Variants in LAPTM5 observed in about 807,000 individuals in gnomAD.
LAPTM5 encodes lysosomal-associated transmembrane protein 5.
In LAPTM5, 11 loss-of-function variants were observed where a neutral mutation model predicts 30.1. The observed-to-expected ratio is 0.37, with a 90% CI of 0.23 to 0.60. The LOEUF is 0.60. Ranked by LOEUF, LAPTM5 falls within the 20% of genes least tolerant of loss-of-function variation. LAPTM5 has a pLI of 0.71. For missense variants in LAPTM5, 324 were observed against 332.5 expected, an observed-to-expected ratio of 0.97 and a Z score of 0.20; for synonymous variants, 151 against 137.9, an observed-to-expected ratio of 1.10 and a Z score of -0.67.
chr1:30,737,626 A>G lies in LAPTM5; in HGVS notation c.584T>C (p.Phe195Ser), dbSNP rs1323432579. ...CACCTTGAAGATAAGGACAGTGATG[A>G]AGGCGATGGAAAAGATGATCATCAT... is the stretch of plus-strand genomic sequence containing the variant. ...IKMMIIFSIAFITVLIFKVYM... is the reference protein window; with the variant it reads ...IKMMIIFSIASITVLIFKVYM... The change falls in exon 6 of 8, where the codon TTC becomes TCC. Residue 195 changes from phenylalanine (F) to serine (S), a missense_variant. Coordinates refer to ENST00000294507, the MANE Select transcript of LAPTM5 (RefSeq NM_006762.3). 7.4e-6 allele frequency: 12 copies of G among 1,613,442 alleles called. No homozygotes were observed. Among genetic ancestry groups the G allele is most frequent in the Non-Finnish European group, 1.0e-5 (12 of 1,179,474 alleles).
chr1:30,737,595 T>C lies in LAPTM5; in HGVS notation c.606+9A>G, dbSNP rs140232148. The C allele has an allele frequency of 3.1e-6, 5 of 1,601,566 alleles. No homozygotes were observed. The highest frequency in any genetic ancestry group is 3.4e-6 in the Non-Finnish European group (4 of 1,169,516). ...CCCTCCCAGAGCCGCAGGGCAGGGA[T>C]CCACTCACCTTGAAGATAAGGACAG... On this transcript the variant is annotated intron_variant, in intron 6 of 7. Coordinates refer to ENST00000294507, the MANE Select transcript of LAPTM5 (RefSeq NM_006762.3).
chr1:30,748,188 G>A (rs952077047), intron 1 of LAPTM5, among the ~76,000 whole-genome samples: 21 of 152,080 alleles, frequency 1.4e-4, no homozygotes, highest in African/African-American at 4.8e-5. Context: ...GCACACACCC[G>A]TGCCAGCCAG....
chr1:30,757,628 ACGCACACACACCCGGGGCC>A lies in LAPTM5; in HGVS notation c.87+12_87+30del. The A allele has an allele frequency of 6.2e-7, 1 of 1,605,964 alleles. No homozygotes were observed. Among genetic ancestry groups the A allele is most frequent in the Non-Finnish European group, 8.5e-7 (1 of 1,176,032 alleles). On this transcript the variant is annotated intron_variant, in intron 1 of 7. Transcript: ENST00000294507. The stretch of plus-strand genomic sequence containing the variant: ...GACATTCACACTCACACAAGCACGC[ACGCACACACACCCGGGGCC>A]CGCACACTCACCACATGGTAGATGG...
At chr1:30,736,258 A>G (rs903346776) in intron 6 of LAPTM5, among the ~76,000 whole-genome samples, 9 of 152,106 alleles carry the variant, frequency 5.9e-5, no homozygotes, top group African/African-American at 1.9e-4. Context: ...GCATTAGGTG[A>G]CAGCAGAGAC....
Position 30,739,911 on chromosome 1 carries a change from G to A in LAPTM5, c.285C>T (p.Phe95=), listed in dbSNP as rs747515424. The A allele has an allele frequency of 3.3e-5, 53 of 1,604,712 alleles. No individual in the cohort carries two copies. The highest frequency in any genetic ancestry group is 4.4e-5 in the Non-Finnish European group (52 of 1,174,578). The part of the protein sequence containing the change: ...VKNREKYLLP[F]LSLQIMDYLL... ...GATAGTCCATGATTTGCAGGGACAGGAAGGGCAGCAGGTACTTCTCCCGGT... is the reference window on the plus strand; with the variant it reads ...GATAGTCCATGATTTGCAGGGACAGAAAGGGCAGCAGGTACTTCTCCCGGT... Residue 95 remains phenylalanine (F), a synonymous_variant, in exon 4 of 8, where the codon TTC becomes TTT. Coordinates refer to ENST00000294507, the MANE Select transcript of LAPTM5 (RefSeq NM_006762.3). This position sits in a 1 kb window ranked among gnomAD's most constrained non-coding sequence, Gnocchi z 4.2.
At chr1:30,751,410 G>A (rs1640136780) in intron 1 of LAPTM5, among the ~76,000 whole-genome samples, 1 of 152,332 alleles carries the variant, frequency 6.6e-6, no homozygotes, top group Non-Finnish European at 1.5e-5. Context: ...TGGCAGTTTG[G>A]ACCCATTTTT....
intron 1 of LAPTM5, among the ~76,000 whole-genome samples, chr1:30,754,741 C>A (rs1017491741): frequency 4.5e-4 from 68 of 152,298 alleles, no homozygotes; most frequent in African/African-American, 1.5e-3. Context: ...ACGGACCAGG[C>A]TTCCCTCATG....
chr1:30,751,674 G>C (rs540764941), intron 1 of LAPTM5, among the ~76,000 whole-genome samples: 53 of 152,306 alleles, frequency 3.5e-4, no homozygotes, highest in African/African-American at 1.2e-3. Flanking sequence ...GGGAGGCAGA[G>C]GTTGCAGTGA....
chr1:30,736,692 T>C (rs1639889518), intron 6 of LAPTM5, among the ~76,000 whole-genome samples: 1 of 152,074 alleles, frequency 6.6e-6, no homozygotes, highest in Non-Finnish European at 1.5e-5. Context: ...CAATTCAGCC[T>C]CCCAAAGCAC....
intron 5 of LAPTM5, among the ~76,000 whole-genome samples, chr1:30,738,636 A>G (rs1356773089): frequency 6.6e-6 from 1 of 152,202 alleles, no homozygotes; most frequent in Non-Finnish European, 1.5e-5. Flanking sequence ...AACAATAAAA[A>G]CTGATATTAT....
intron 6 of LAPTM5, among the ~76,000 whole-genome samples, chr1:30,736,464 C>T (rs1027594767): frequency 6.6e-6 from 1 of 152,142 alleles, no homozygotes; most frequent in Non-Finnish European, 1.5e-5. Context: ...GAGAGATTCT[C>T]ACTCTGTCGC....
At position 30,739,931 on chromosome 1, in the gene LAPTM5, C is replaced by T. The variant is rs1639944672; in HGVS notation, c.265G>A (p.Glu89Lys). Reference sequence around the variant, plus strand: ...GACAGGAAGGGCAGCAGGTACTTCTCCCGGTTCTGAAAGGTAGGCCCAGCA... The same window carrying T: ...GACAGGAAGGGCAGCAGGTACTTCTTCCGGTTCTGAAAGGTAGGCCCAGCA... ...SLLIGVVKNR[E>K]KYLLPFLSLQ... is the part of the protein sequence containing the mutation. The change falls in exon 4 of 8, where the codon GAG becomes AAG. Residue 89 changes from glutamate (E) to lysine (K), a missense_variant. Glu to Lys is a moderately conservative substitution (Grantham distance 56). Transcript: ENST00000294507. This position sits in a 1 kb window ranked among gnomAD's most constrained non-coding sequence, Gnocchi z 4.2. The T allele has an allele frequency of 1.3e-6, 2 of 1,595,384 alleles. No homozygotes were observed. The highest frequency in any genetic ancestry group is 4.6e-5 in the East Asian group (2 of 43,928).
At chr1:30,734,747 A>G (rs1639861937) in intron 7 of LAPTM5, among the ~76,000 whole-genome samples, 1 of 152,138 alleles carries the variant, frequency 6.6e-6, no homozygotes, top group Admixed American at 6.5e-5. Context: ...TTTCCCAGCT[A>G]TCTCATATCC....
Position 30,733,428 on chromosome 1 carries a change from G to C in LAPTM5, c.*400C>G. ...CAACTATTTATAAATCAATGCAATA[G>C]ACTGTTGTTTGACCAAATTATTTTA... is the stretch of plus-strand genomic sequence containing the variant. On this transcript the variant is annotated 3_prime_UTR_variant, in exon 8 of 8. Coordinates refer to ENST00000294507, the MANE Select transcript of LAPTM5 (RefSeq NM_006762.3). 2.2e-6 allele frequency: 2 copies of C among 916,902 alleles called. No homozygotes were observed. Among genetic ancestry groups the C allele is most frequent in the Non-Finnish European group, 2.9e-6 (2 of 680,078 alleles). 56.8% of individuals were successfully genotyped at this position (916,902 alleles called of 1,614,324 possible).
At chr1:30,742,330 CT>C in intron 2 of LAPTM5, 125 bp downstream of exon 2, 1 of 657,884 alleles carries the variant, frequency 1.5e-6, no homozygotes, top group East Asian at 2.7e-5. Flanking sequence ...AAGGAAGACA[CT>C]TGCCAGAGGT....
chr1:30,736,473 G>A lies in LAPTM5; in HGVS notation c.606+1131C>T, dbSNP rs555832912. 8.5e-5 allele frequency among the ~76,000 whole-genome samples: 13 copies of A among 152,182 alleles called. 1 individual carries two copies. In the South Asian group the frequency reaches 1.2e-3, roughly 15 times the overall value. ...TTTAGAGAGAGATTCTCACTCTGTC[G>A]CCTAGGCTGGAGTGCAGTGGCATGA... On this transcript the variant is annotated intron_variant, in intron 6 of 7. Transcript: ENST00000294507.
At chr1:30,741,753 GC>G (rs201599215) in intron 2 of LAPTM5, 37 bp from the exon 3 acceptor site, 1 of 1,515,704 alleles carries the variant, frequency 6.6e-7, no homozygotes, top group Non-Finnish European at 9.0e-7. Flanking sequence ...GCTCAGGGGT[GC>G]CCCTGGGACC....
rs899920678 is a variant in LAPTM5, at chr1:30,746,480, C to T, written c.88-3931G>A. On this transcript the variant is annotated intron_variant, in intron 1 of 7. Coordinates refer to ENST00000294507, the MANE Select transcript of LAPTM5 (RefSeq NM_006762.3). The surrounding 1 kb of genome is among the most constrained non-coding windows in gnomAD (Gnocchi z 4.0). ...AAGCCCTTGCCTTCCCCTCATGTCC[C>T]CGGTTTCCACCTGGACACAGCGCTG... Among the ~76,000 whole-genome samples, 7 of 152,204 alleles carry T rather than the reference C, an allele frequency of 4.6e-5. No homozygotes were observed. Among genetic ancestry groups the T allele is most frequent in the African/African-American group, 1.4e-4 (6 of 41,436 alleles).
At chr1:30,742,931 G>T (rs549381418) in intron 1 of LAPTM5, among the ~76,000 whole-genome samples, 1 of 152,120 alleles carries the variant, frequency 6.6e-6, no homozygotes, top group African/African-American at 2.4e-5. Flanking sequence ...ACTACTGAAG[G>T]TCAGGCTTAA....
Sources: gnomAD v4.1 joint callset for allele counts (sites outside exome capture counted in the v4.1 genomes callset) on GRCh38, gnomAD v4.1.1 for gene constraint, Gnocchi (gnomAD v3.1) non-coding constraint, MANE v1.5 for transcripts, NCBI Gene and HGNC (gene_info 2026-07-23, HGNC 2026-07-21) for gene names.